BCKDHB: variants seen among roughly 807,000 people sequenced by gnomAD.
The protein encoded by BCKDHB is branched chain keto acid dehydrogenase E1 subunit beta, also known as 2-oxoisovalerate dehydrogenase subunit beta, mitochondrial.
A neutral mutation model predicts 48.5 loss-of-function variants in BCKDHB; 41 were observed. That is an observed-to-expected ratio of 0.85 (90% CI 0.66 to 1.10). BCKDHB has a LOEUF of 1.10. Ranked by LOEUF, BCKDHB falls within the 50% of genes least tolerant of loss-of-function variation. The pLI is 0.00. For synonymous variants in BCKDHB, 201 were observed against 174.8 expected, an observed-to-expected ratio of 1.15 and a Z score of -1.18; for missense variants, 496 against 494.2, an observed-to-expected ratio of 1.00 and a Z score of -0.03.
chr6:80,192,933 C>T (rs1196500708), intron 6 of BCKDHB, among the ~76,000 whole-genome samples: 3 of 151,874 alleles, frequency 2.0e-5, no homozygotes, highest in African/African-American at 7.3e-5. Flanking sequence ...ATTCTTATGC[C>T]TCAGTCTCCC....
the BCKDHB span, among the ~76,000 whole-genome samples, chr6:80,446,191 T>G: frequency 6.6e-6 from 1 of 152,208 alleles, no homozygotes; most frequent in Non-Finnish European, 1.5e-5. Context: ...AAATCCAGTG[T>G]AAGTTAAAGG....
rs374607478 is a variant in BCKDHB, at chr6:80,184,687, T to C, written c.742+13297T>C. Among the ~76,000 whole-genome samples the C allele has an allele frequency of 3.9e-5, 6 of 152,184 alleles. No homozygotes were observed. In the East Asian group the frequency reaches 7.7e-4, roughly 20 times the overall value. On this transcript the variant is annotated intron_variant, in intron 6 of 9. Coordinates refer to ENST00000320393, the MANE Select transcript of BCKDHB (RefSeq NM_183050.4). ...TGAAAAAGACTTTATCTCTCCTCTA[T>C]TTATGAAGGTTAGTTTTGCGGCATA...
At chr6:80,249,375 G>A (rs1220523575) in intron 8 of BCKDHB, among the ~76,000 whole-genome samples, 1 of 151,958 alleles carries the variant, frequency 6.6e-6, no homozygotes, top group Non-Finnish European at 1.5e-5. Context: ...TATTTAGGAA[G>A]CAGTTTACTC....
intron 8 of BCKDHB, among the ~76,000 whole-genome samples, chr6:80,263,940 A>C (rs1230815065): frequency 6.6e-6 from 1 of 152,140 alleles, no homozygotes; most frequent in South Asian, 2.1e-4. Context: ...AAATTTGCCA[A>C]GTGGGGACTT....
intron 3 of BCKDHB, among the ~76,000 whole-genome samples, chr6:80,152,734 A>T (rs1771852605): frequency 6.6e-6 from 1 of 152,176 alleles, no homozygotes. Flanking sequence ...CAAAACTAGC[A>T]CTGACAATTC....
chr6:80,408,777 A>G, the BCKDHB span, among the ~76,000 whole-genome samples: 2 of 133,786 alleles, frequency 1.5e-5, no homozygotes, highest in Non-Finnish European at 3.1e-5. Context: ...CTAGCGGTCT[A>G]TCTATTTTGT....
intron 9 of BCKDHB, among the ~76,000 whole-genome samples, chr6:80,325,302 A>G (rs1768977866): frequency 6.6e-6 from 1 of 152,210 alleles, no homozygotes. Flanking sequence ...GGCAGAATCT[A>G]GGACTTCTAT....
chr6:80,131,639 CA>C (rs1231594736), intron 3 of BCKDHB, among the ~76,000 whole-genome samples: 1 of 151,764 alleles, frequency 6.6e-6, no homozygotes, highest in East Asian at 1.9e-4. Flanking sequence ...GCAGGACATA[CA>C]AAATACTTTT....
chr6:80,318,783 G>A (rs1286370361), intron 9 of BCKDHB, among the ~76,000 whole-genome samples: 3 of 151,358 alleles, frequency 2.0e-5, no homozygotes, highest in Non-Finnish European at 4.4e-5. Flanking sequence ...AGGCAACACA[G>A]TGTAACAATC....
At chr6:80,194,786 C>T (rs925726287) in intron 6 of BCKDHB, among the ~76,000 whole-genome samples, 5 of 152,140 alleles carry the variant, frequency 3.3e-5, no homozygotes, top group Non-Finnish European at 5.9e-5. Context: ...AGCCTTTGTG[C>T]AGCTAATTAT....
At chr6:80,410,409 CT>C in the BCKDHB span, among the ~76,000 whole-genome samples, 2 of 152,162 alleles carry the variant, frequency 1.3e-5, no homozygotes, top group African/African-American at 4.8e-5. Flanking sequence ...CTTGGTGAAT[CT>C]GACGATTATG....
At chr6:80,145,439 A>C (rs1196278830) in intron 3 of BCKDHB, among the ~76,000 whole-genome samples, 1 of 152,206 alleles carries the variant, frequency 6.6e-6, no homozygotes, top group Non-Finnish European at 1.5e-5. Context: ...CATACATCAA[A>C]TCTAAGTAAA....
At chr6:80,337,425 A>T (rs1045935070) in intron 9 of BCKDHB, among the ~76,000 whole-genome samples, 1 of 152,044 alleles carries the variant, frequency 6.6e-6, no homozygotes, top group Non-Finnish European at 1.5e-5. Flanking sequence ...TAGAAGCAGA[A>T]TATCTGCTGT....
At chr6:80,286,864 T>A (rs1766649404) in intron 9 of BCKDHB, among the ~76,000 whole-genome samples, 1 of 152,274 alleles carries the variant, frequency 6.6e-6, no homozygotes, top group East Asian at 1.9e-4. Context: ...TTTTATGACA[T>A]ATACAAGGCA....
intron 8 of BCKDHB, among the ~76,000 whole-genome samples, chr6:80,211,928 C>T (rs1269259779): frequency 6.6e-6 from 1 of 152,014 alleles, no homozygotes; most frequent in Non-Finnish European, 1.5e-5. Context: ...GGGTGTAAAA[C>T]AGGGAGTAGA....
In BCKDHB at chr6:80,125,046, TAGA is replaced by T. The variant is rs367606403; in HGVS notation, c.197-2498_197-2496del. On this transcript the variant is annotated intron_variant, in intron 1 of 9. Coordinates refer to ENST00000320393, the MANE Select transcript of BCKDHB (RefSeq NM_183050.4). Reference sequence around the variant, plus strand: ...GAAAATCCAAGATAGCATCTTCCAATAGAAGCTGTTTTGTCTCCATTGAAAATC... The same window carrying T: ...GAAAATCCAAGATAGCATCTTCCAATAGCTGTTTTGTCTCCATTGAAAATC... 3.9e-5 allele frequency among the ~76,000 whole-genome samples: 6 copies of T among 152,344 alleles called. No individual in the cohort carries two copies. In the East Asian group the frequency reaches 9.6e-4, roughly 24 times the overall value.
the BCKDHB span, among the ~76,000 whole-genome samples, chr6:80,369,248 T>A: frequency 0.016 from 2,377 of 152,202 alleles, 65 homozygotes; most frequent in East Asian, 0.11. Context: ...TTATTTGTAT[T>A]CTTTGTTACA....
chr6:80,309,282 C>G (rs1768038899), intron 9 of BCKDHB, among the ~76,000 whole-genome samples: 1 of 151,914 alleles, frequency 6.6e-6, no homozygotes, highest in African/African-American at 2.4e-5. Flanking sequence ...CCAGGCTGGT[C>G]TTGGACTCCT....
At chr6:80,421,577 A>T in the BCKDHB span, among the ~76,000 whole-genome samples, 1 of 152,218 alleles carries the variant, frequency 6.6e-6, no homozygotes, top group African/African-American at 2.4e-5. Flanking sequence ...CAAAACCCTG[A>T]TAATGACATG....
Sources: gnomAD v4.1 joint callset for allele counts (sites outside exome capture counted in the v4.1 genomes callset) on GRCh38, gnomAD v4.1.1 for gene constraint, MANE v1.5 for transcripts, NCBI Gene and HGNC (gene_info 2026-07-23, HGNC 2026-07-21) for gene names.